TENM3: variants seen among roughly 807,000 people sequenced by gnomAD.
The protein encoded by TENM3 is teneurin-3.
TENM3 carries 63 observed loss-of-function variants against 255.1 expected under a neutral mutation model. The observed-to-expected ratio is 0.25, with a 90% confidence interval of 0.20 to 0.30. The LOEUF (loss-of-function observed/expected upper bound fraction) is 0.30, where lower values mean the gene tolerates loss of function less well. Among genes scored for constraint, TENM3 ranks in the 10% least tolerant of loss-of-function variants. The probability of loss-of-function intolerance (pLI) is 1.00; values close to 1 mark genes in which losing one functional copy is unlikely to be tolerated. For synonymous variants in TENM3, 1,306 were observed against 1,322.3 expected (o/e 0.99, Z 0.27); for missense variants, 2,929 against 3,461.1 (o/e 0.85, Z 3.86).
At chr4:181,737,101 AC>A in the TENM3 span, among the ~76,000 whole-genome samples, 3 of 152,178 alleles carry the variant, frequency 2.0e-5, no homozygotes, top group Non-Finnish European at 4.4e-5. Flanking sequence ...TTCTTCAAAT[AC>A]AGACCAAGTT....
At chr4:182,070,608 C>G in the TENM3 span, among the ~76,000 whole-genome samples, 3 of 152,064 alleles carry the variant, frequency 2.0e-5, no homozygotes, top group African/African-American at 7.2e-5. Flanking sequence ...CAGAGTGAGA[C>G]TCTGTGTCAA....
chr4:182,414,523 G>A (rs1489555464), intron 3 of TENM3, among the ~76,000 whole-genome samples: 2 of 152,108 alleles, frequency 1.3e-5, no homozygotes, highest in Non-Finnish European at 2.9e-5. Flanking sequence ...GTGTGTGCAC[G>A]AGGAAACCGA....
At chr4:182,099,550 T>G in the TENM3 span, among the ~76,000 whole-genome samples, 1 of 152,128 alleles carries the variant, frequency 6.6e-6, no homozygotes, top group African/African-American at 2.4e-5. Context: ...TTTTGTACCA[T>G]GTTGAGCCTA....
chr4:182,417,066 C>T (rs1233525258), intron 3 of TENM3, among the ~76,000 whole-genome samples: 3 of 152,058 alleles, frequency 2.0e-5, no homozygotes, highest in Admixed American at 6.5e-5. Flanking sequence ...CTCCGCCTCC[C>T]GGGTTCACGC....
the TENM3 span, among the ~76,000 whole-genome samples, chr4:181,788,719 A>C: frequency 1.3e-5 from 2 of 152,126 alleles, no homozygotes; most frequent in African/African-American, 4.8e-5. Flanking sequence ...CAGCTGCCAA[A>C]GTTGTTAGGA....
the TENM3 span, among the ~76,000 whole-genome samples, chr4:181,572,219 AG>A: frequency 2.6e-5 from 4 of 152,216 alleles, no homozygotes; most frequent in African/African-American, 9.6e-5. Context: ...TAAAAACAAA[AG>A]TACTGAACAA....
At chr4:181,854,447 C>T in the TENM3 span, among the ~76,000 whole-genome samples, 1 of 152,170 alleles carries the variant, frequency 6.6e-6, no homozygotes, top group African/African-American at 2.4e-5. Flanking sequence ...AGCAAATGTG[C>T]CAAACTACGG....
At chr4:181,763,428 C>T in the TENM3 span, among the ~76,000 whole-genome samples, 1 of 152,116 alleles carries the variant, frequency 6.6e-6, no homozygotes, top group Non-Finnish European at 1.5e-5. Flanking sequence ...ACCCCTGGAC[C>T]AAATCTGGTC....
chr4:182,071,074 T>C, the TENM3 span, among the ~76,000 whole-genome samples: 127,112 of 152,182 alleles, frequency 0.84, 53,054 homozygotes, highest in East Asian at 0.88. Context: ...TTAAGCAAAG[T>C]GTTGGTCCCT....
chr4:182,532,328 A>C (rs1447521388), intron 3 of TENM3, among the ~76,000 whole-genome samples: 2 of 152,196 alleles, frequency 1.3e-5, no homozygotes, highest in African/African-American at 4.8e-5. Context: ...TATAGTACCT[A>C]GAATAGTGAC....
chr4:181,625,679 C>T, the TENM3 span, among the ~76,000 whole-genome samples: 5 of 151,800 alleles, frequency 3.3e-5, no homozygotes, highest in Non-Finnish European at 7.4e-5. Context: ...CCGGGTGTGG[C>T]GGCAGGCGCC....
At chr4:182,226,167 G>T (rs1404457061) in intron 1 of TENM3, among the ~76,000 whole-genome samples, 1 of 152,154 alleles carries the variant, frequency 6.6e-6, no homozygotes, top group Non-Finnish European at 1.5e-5. Context: ...GCTGGGTGGG[G>T]TGTCCTACTC....
At chr4:182,518,659 T>G (rs938686847) in intron 3 of TENM3, among the ~76,000 whole-genome samples, 2 of 152,084 alleles carry the variant, frequency 1.3e-5, no homozygotes, top group Admixed American at 6.5e-5. Context: ...ATCCCCAAAC[T>G]CTAGATGAGA....
intron 1 of TENM3, among the ~76,000 whole-genome samples, chr4:182,297,121 G>A (rs1048922868): frequency 6.6e-6 from 1 of 152,184 alleles, no homozygotes; most frequent in African/African-American, 2.4e-5. Flanking sequence ...AGTTTATGGA[G>A]AACAGCAGCA....
At chr4:182,473,143 AT>A (rs1439106328) in intron 3 of TENM3, among the ~76,000 whole-genome samples, 4 of 152,328 alleles carry the variant, frequency 2.6e-5, no homozygotes, top group African/African-American at 9.6e-5. Flanking sequence ...ATATTTTAAT[AT>A]AATATACCTT....
chr4:182,025,526 G>A, the TENM3 span, among the ~76,000 whole-genome samples: 2 of 152,034 alleles, frequency 1.3e-5, no homozygotes, highest in African/African-American at 2.4e-5. Flanking sequence ...TTTCTTTTGG[G>A]TATACACCCA....
At chr4:182,499,939 G>A (rs987986652) in intron 3 of TENM3, among the ~76,000 whole-genome samples, 2 of 152,158 alleles carry the variant, frequency 1.3e-5, no homozygotes, top group African/African-American at 4.8e-5. Context: ...ATTTTAAGGG[G>A]AAATGTACAA....
chr4:181,615,432 T>A, the TENM3 span, among the ~76,000 whole-genome samples: 6 of 152,194 alleles, frequency 3.9e-5, no homozygotes, highest in African/African-American at 1.4e-4. Flanking sequence ...TACCACCCCC[T>A]ACCTTCACTC....
intron 1 of TENM3, among the ~76,000 whole-genome samples, chr4:182,159,353 C>A (rs1010929680): frequency 6.6e-6 from 1 of 151,978 alleles, no homozygotes; most frequent in Non-Finnish European, 1.5e-5. Flanking sequence ...TTAAACATAC[C>A]CTCTTGTGGG....
Sources: gnomAD v4.1 joint callset for allele counts (sites outside exome capture counted in the v4.1 genomes callset) on GRCh38, gnomAD v4.1.1 for gene constraint, MANE v1.5 for transcripts, NCBI Gene and HGNC (gene_info 2026-07-23, HGNC 2026-07-21) for gene names.